Variants in PAPPA2 observed in about 807,000 individuals in gnomAD.
PAPPA2 encodes the protein pappalysin 2.
A neutral mutation model predicts 176.4 loss-of-function variants in PAPPA2; 86 were observed. That is an observed-to-expected ratio of 0.49 (90% CI 0.41 to 0.58). The LOEUF (loss-of-function observed/expected upper bound fraction) is 0.58, where lower values mean the gene tolerates loss of function less well. PAPPA2 is among the 20% of genes least tolerant of loss of function. The pLI is 0.00. For missense variants in PAPPA2, 2,073 were observed against 2,256.9 expected (o/e 0.92, Z 1.65); for synonymous variants, 809 against 852.2 (o/e 0.95, Z 0.88).
chr1:176,627,272 T>C (rs10798465), intron 3 of PAPPA2, among the ~76,000 whole-genome samples: 37,916 of 152,142 alleles, frequency 0.25, 4,860 homozygotes, highest in South Asian at 0.33. Flanking sequence ...TAAATAACTA[T>C]TTCTGAAAAA....
At chr1:176,586,957 G>A (rs997518677) in intron 2 of PAPPA2, among the ~76,000 whole-genome samples, 3 of 152,068 alleles carry the variant, frequency 2.0e-5, no homozygotes, top group Admixed American at 2.0e-4. Flanking sequence ...AGCATGTATT[G>A]TTTCCTGATT....
rs1663336427 is a variant in PAPPA2 at position 176,754,706 on chromosome 1, G to T, written c.4152-10960G>T. ...TACTTCCCAATTTTGCTCAGAGCTG[G>T]CCCTGTCAGTATAGTCTGTATTCAT... On this transcript the variant is annotated intron_variant, in intron 14 of 22. Coordinates refer to ENST00000367662, the MANE Select transcript of PAPPA2 (RefSeq NM_020318.3). Among the ~76,000 whole-genome samples, 5 of 152,326 alleles carry T rather than the reference G, an allele frequency of 3.3e-5. No homozygotes were observed. In the South Asian group the frequency reaches 1.0e-3, roughly 32 times the overall value.
At chr1:176,652,040 A>G (rs1657754322) in intron 3 of PAPPA2, among the ~76,000 whole-genome samples, 3 of 150,702 alleles carry the variant, frequency 2.0e-5, no homozygotes, top group African/African-American at 4.9e-5. Context: ...AAATTTCTGA[A>G]TTTTTTTCTG....
chr1:176,491,513 T>C (rs1364692519), intron 1 of PAPPA2, among the ~76,000 whole-genome samples: 1 of 152,128 alleles, frequency 6.6e-6, no homozygotes, highest in Non-Finnish European at 1.5e-5. Context: ...GGCCACAGCA[T>C]TGAATGAGCA....
At chr1:176,476,038 G>GAT (rs1252287911) in intron 1 of PAPPA2, among the ~76,000 whole-genome samples, 2 of 145,410 alleles carry the variant, frequency 1.4e-5, no homozygotes, top group Non-Finnish European at 2.9e-5. Context: ...ACTTTAAAAG[G>GAT]TTTTTGTAAA....
intron 4 of PAPPA2, 93 bp from the exon 5 acceptor site, chr1:176,690,044 A>G: frequency 8.4e-7 from 1 of 1,193,292 alleles, no homozygotes; most frequent in Non-Finnish European, 1.2e-6. Context: ...AGAGGCTGAA[A>G]TGGAATATTT....
intron 21 of PAPPA2, among the ~76,000 whole-genome samples, chr1:176,804,926 T>C (rs898045541): frequency 1.3e-5 from 2 of 152,078 alleles, no homozygotes; most frequent in African/African-American, 2.4e-5. Flanking sequence ...CTTCCCAGCA[T>C]AGAGAAAGAA....
intron 1 of PAPPA2, among the ~76,000 whole-genome samples, chr1:176,506,704 A>G (rs965512335): frequency 5.9e-5 from 9 of 152,104 alleles, no homozygotes; most frequent in Non-Finnish European, 1.0e-4. Context: ...TTGATTTTGT[A>G]TCCTGAAATC....
At chr1:176,502,213 T>C (rs1648005182) in intron 1 of PAPPA2, among the ~76,000 whole-genome samples, 1 of 152,206 alleles carries the variant, frequency 6.6e-6, no homozygotes, top group Admixed American at 6.5e-5. Flanking sequence ...AACAATTTGT[T>C]TGAAAGCATT....
intron 3 of PAPPA2, among the ~76,000 whole-genome samples, chr1:176,617,787 CT>C (rs1269353840): frequency 2.6e-5 from 4 of 151,930 alleles, no homozygotes; most frequent in African/African-American, 9.7e-5. Context: ...AATGACTTGT[CT>C]TTTTTGGGGT....
chr1:176,491,276 A>G (rs1647274037), intron 1 of PAPPA2, among the ~76,000 whole-genome samples: 1 of 152,218 alleles, frequency 6.6e-6, no homozygotes, highest in Admixed American at 6.5e-5. Context: ...ATTCTGATGT[A>G]TGTCATGCAC....
At chr1:176,592,111 A>G (rs748177987) in intron 2 of PAPPA2, among the ~76,000 whole-genome samples, 1 of 152,194 alleles carries the variant, frequency 6.6e-6, no homozygotes, top group African/African-American at 2.4e-5. Flanking sequence ...AGAGAATTCT[A>G]TTTGCTAAGT....
chr1:176,798,771 C>T lies in PAPPA2; in HGVS notation c.5131-1290C>T, dbSNP rs1307878412. 2.0e-5 allele frequency among the ~76,000 whole-genome samples: 3 copies of T among 152,074 alleles called. No individual in the cohort carries two copies. The East Asian group carries it at 5.8e-4, about 29-fold the overall frequency. On this transcript the variant is annotated intron_variant, in intron 20 of 22. Coordinates refer to ENST00000367662, the MANE Select transcript of PAPPA2 (RefSeq NM_020318.3). ...TACCTTATATATTTATTTTGATAAC[C>T]CCTTTTTAATACAATAATGACTTAA...
intron 21 of PAPPA2, among the ~76,000 whole-genome samples, chr1:176,829,735 C>A (rs1009648500): frequency 1.3e-5 from 2 of 152,212 alleles, no homozygotes; most frequent in Admixed American, 1.3e-4. Context: ...TATGTAAGCT[C>A]CATCCAGACA....
At chr1:176,693,598 C>G (rs932146413) in intron 6 of PAPPA2, among the ~76,000 whole-genome samples, 7 of 152,182 alleles carry the variant, frequency 4.6e-5, no homozygotes, top group Non-Finnish European at 7.4e-5. Flanking sequence ...TAGGAGGAAG[C>G]TGGTGAATCC....
intron 12 of PAPPA2, among the ~76,000 whole-genome samples, chr1:176,724,666 C>A (rs541958443): frequency 6.6e-6 from 1 of 152,328 alleles, no homozygotes; most frequent in Non-Finnish European, 1.5e-5. Context: ...ATAATTTCCT[C>A]TCTTCCTTTG....
At chr1:176,768,079 G>T (rs1209381572) in intron 15 of PAPPA2, among the ~76,000 whole-genome samples, 1 of 152,124 alleles carries the variant, frequency 6.6e-6, no homozygotes, top group Non-Finnish European at 1.5e-5. Context: ...TGGCAGGATG[G>T]CTGGCTCAGC....
chr1:176,612,432 A>G (rs1401861413), intron 3 of PAPPA2, among the ~76,000 whole-genome samples: 2 of 152,078 alleles, frequency 1.3e-5, no homozygotes, highest in Admixed American at 6.6e-5. Context: ...AACGACAGCA[A>G]AAAAAAGACT....
intron 21 of PAPPA2, among the ~76,000 whole-genome samples, chr1:176,826,355 A>G (rs865873079): frequency 8.5e-5 from 13 of 152,238 alleles, no homozygotes; most frequent in Non-Finnish European, 5.9e-5. Context: ...AGAGACCAAG[A>G]AAATGAGAGC....
Sources: gnomAD v4.1 joint callset for allele counts (sites outside exome capture counted in the v4.1 genomes callset) on GRCh38, gnomAD v4.1.1 for gene constraint, MANE v1.5 for transcripts, NCBI Gene and HGNC (gene_info 2026-07-23, HGNC 2026-07-21) for gene names.